BRINP3: variants seen among roughly 807,000 people sequenced by gnomAD.
BRINP3 encodes the protein BMP/retinoic acid inducible neural specific 3.
BRINP3 carries 19 observed loss-of-function variants against 71.0 expected under a neutral mutation model. The ratio of observed to expected loss-of-function variants is 0.27; its 90% CI spans 0.19 to 0.39. The LOEUF (loss-of-function observed/expected upper bound fraction) is 0.39. Ranked by LOEUF, BRINP3 falls within the 10% of genes least tolerant of loss-of-function variation. BRINP3 has a pLI of 1.00. For missense variants in BRINP3, 959 were observed against 940.8 expected (o/e 1.02, Z -0.25); for synonymous variants, 380 against 337.7 (o/e 1.13, Z -1.37).
intron 6 of BRINP3, among the ~76,000 whole-genome samples, chr1:190,186,645 A>G (rs534458572): frequency 6.6e-6 from 1 of 152,064 alleles, no homozygotes; most frequent in African/African-American, 2.4e-5. Flanking sequence ...CACAAACCCT[A>G]TTTATTTCAC....
intron 1 of BRINP3, chr1:190,474,882 A>C (rs141666389): frequency 1.4e-4 from 22 of 152,064 alleles, no homozygotes; most frequent in African/African-American, 5.3e-4. Context: ...TCTCCGGTGG[A>C]CTCTGGAAGA....
rs1393676484 is a variant in BRINP3, at chr1:190,287,718, G to T, written c.237-5968C>A. Among the ~76,000 whole-genome samples, 7 of 152,198 alleles carry T rather than the reference G, an allele frequency of 4.6e-5. No individual in the cohort carries two copies. In the East Asian group the frequency reaches 9.6e-4, roughly 21 times the overall value. ...AATTGCCATCTCAGTAGAACAACAA[G>T]AATTAATTGTAGCTGTAACCTCATG... On this transcript the variant is annotated intron_variant, in intron 2 of 7. Coordinates refer to ENST00000367462, the MANE Select transcript of BRINP3 (RefSeq NM_199051.3).
chr1:190,146,057 A>G (rs1655862929), intron 7 of BRINP3, among the ~76,000 whole-genome samples: 1 of 152,114 alleles, frequency 6.6e-6, no homozygotes, highest in South Asian at 2.1e-4. Context: ...TTGGAGGGAA[A>G]GTTAAAAGGG....
intron 6 of BRINP3, among the ~76,000 whole-genome samples, chr1:190,174,988 T>C (rs1418639795): frequency 6.6e-6 from 1 of 152,136 alleles, no homozygotes; most frequent in Non-Finnish European, 1.5e-5. Context: ...TCACCATTAC[T>C]ATCCTTTGTG....
intron 2 of BRINP3, among the ~76,000 whole-genome samples, chr1:190,408,135 C>A (rs992759923): frequency 6.7e-6 from 1 of 148,744 alleles, no homozygotes; most frequent in African/African-American, 2.5e-5. Flanking sequence ...CATTCTCCTG[C>A]CTCAACCTCC....
At chr1:190,377,950 C>T (rs1473133844) in intron 2 of BRINP3, among the ~76,000 whole-genome samples, 2 of 152,058 alleles carry the variant, frequency 1.3e-5, no homozygotes, top group African/African-American at 4.8e-5. Context: ...AACACTACTA[C>T]TCTAAACAAT....
At position 190,424,668 on chromosome 1, in the gene BRINP3, A is replaced by G. The variant is rs191036934; in HGVS notation, c.236+29987T>C. On this transcript the variant is annotated intron_variant, in intron 2 of 7. Coordinates refer to ENST00000367462, the MANE Select transcript of BRINP3 (RefSeq NM_199051.3). Reference sequence around the variant, plus strand: ...TAAGAAAGAAACAGTGAACAGTAAGAGTAGTAGAAATATATTTTTGTAATA... The same window carrying G: ...TAAGAAAGAAACAGTGAACAGTAAGGGTAGTAGAAATATATTTTTGTAATA... Among the ~76,000 whole-genome samples the G allele has an allele frequency of 5.9e-5, 9 of 151,808 alleles. No homozygotes were observed. In the Admixed American group the frequency reaches 5.9e-4, roughly 10 times the overall value.
intron 2 of BRINP3, among the ~76,000 whole-genome samples, chr1:190,334,469 G>T (rs1667160799): frequency 6.6e-6 from 1 of 151,592 alleles, no homozygotes; most frequent in Admixed American, 6.6e-5. Flanking sequence ...AGGTTTTGTT[G>T]TATTTTATAT....
intron 2 of BRINP3, among the ~76,000 whole-genome samples, chr1:190,349,921 G>A (rs1476558537): frequency 2.0e-5 from 3 of 152,070 alleles, no homozygotes; most frequent in African/African-American, 7.2e-5. Context: ...CCTTGTGTGT[G>A]GACGAGAAAA....
chr1:190,320,158 A>T (rs559123862), intron 2 of BRINP3, among the ~76,000 whole-genome samples: 2 of 152,204 alleles, frequency 1.3e-5, no homozygotes, highest in South Asian at 4.1e-4. Flanking sequence ...AACTTCCTAC[A>T]GTATATTTCT....
At chr1:190,359,435 C>T (rs1668983834) in intron 2 of BRINP3, among the ~76,000 whole-genome samples, 1 of 152,012 alleles carries the variant, frequency 6.6e-6, no homozygotes, top group African/African-American at 2.4e-5. Context: ...AGACATTTAT[C>T]AATTATGCCT....
At chr1:190,276,612 A>G (rs766027400) in intron 3 of BRINP3, among the ~76,000 whole-genome samples, 3 of 150,714 alleles carry the variant, frequency 2.0e-5, no homozygotes, top group African/African-American at 7.3e-5. Context: ...AGTGAACTAC[A>G]TTGGAGGCAT....
intron 2 of BRINP3, among the ~76,000 whole-genome samples, chr1:190,289,221 TA>T (rs1663668919): frequency 6.6e-6 from 1 of 151,936 alleles, no homozygotes; most frequent in African/African-American, 2.4e-5. Flanking sequence ...TTTTTCATAA[TA>T]AAGATGAGTT....
intron 2 of BRINP3, among the ~76,000 whole-genome samples, chr1:190,446,522 G>T (rs759478123): frequency 5.3e-5 from 8 of 151,990 alleles, no homozygotes; most frequent in Non-Finnish European, 8.8e-5. Flanking sequence ...AAGTATAAGC[G>T]ATTCTTAGAT....
chr1:190,254,854 T>C (rs1295773657), intron 4 of BRINP3, among the ~76,000 whole-genome samples: 2 of 152,176 alleles, frequency 1.3e-5, no homozygotes, highest in Admixed American at 6.5e-5. Flanking sequence ...TTGTGCCTGT[T>C]TTCAAAGGGA....
intron 2 of BRINP3, among the ~76,000 whole-genome samples, chr1:190,433,070 T>C (rs974880599): frequency 6.6e-6 from 1 of 152,204 alleles, no homozygotes; most frequent in African/African-American, 2.4e-5. Context: ...ATTAACGAAC[T>C]GAGTAGTTCG....
At chr1:190,441,316 A>G (rs1294626713) in intron 2 of BRINP3, among the ~76,000 whole-genome samples, 2 of 152,064 alleles carry the variant, frequency 1.3e-5, no homozygotes, top group Admixed American at 1.3e-4. Context: ...AATCAAGTAC[A>G]TCAGCATCCT....
intron 2 of BRINP3, among the ~76,000 whole-genome samples, chr1:190,408,019 C>CTTTTTTTTTTTTTTTTTTTTTTTT (rs34343187): frequency 1.0e-5 from 1 of 99,782 alleles, no homozygotes; most frequent in Admixed American, 1.4e-4. Flanking sequence ...CTACATTTGT[C>CTTTTTTTTTTTTTTTTTTTTTTTT]TTTTTTTTTT....
intron 6 of BRINP3, among the ~76,000 whole-genome samples, chr1:190,169,348 C>A (rs976931041): frequency 6.6e-6 from 1 of 152,166 alleles, no homozygotes; most frequent in Non-Finnish European, 1.5e-5. Flanking sequence ...CTTCAGTGAT[C>A]TGTATTGGTG....
Sources: gnomAD v4.1 joint callset for allele counts (sites outside exome capture counted in the v4.1 genomes callset) on GRCh38, gnomAD v4.1.1 for gene constraint, MANE v1.5 for transcripts, NCBI Gene and HGNC (gene_info 2026-07-23, HGNC 2026-07-21) for gene names.